GRB2: variants seen among roughly 807,000 people sequenced by gnomAD.
GRB2 encodes growth factor receptor bound protein 2.
GRB2 carries 2 observed loss-of-function variants against 27.4 expected under a neutral mutation model. The observed-to-expected ratio is 0.07, with a 90% CI of 0.03 to 0.23. The LOEUF (loss-of-function observed/expected upper bound fraction) is 0.23. Among genes scored for constraint, GRB2 ranks in the 10% least tolerant of loss-of-function variants. The probability of loss-of-function intolerance (pLI) is 1.00; values close to 1 mark genes in which losing one functional copy is unlikely to be tolerated. For missense variants in GRB2, 102 were observed against 282.4 expected, an observed-to-expected ratio of 0.36 and a Z score of 4.58; for synonymous variants, 94 against 99.6, an observed-to-expected ratio of 0.94 and a Z score of 0.33.
intron 2 of GRB2, among the ~76,000 whole-genome samples, chr17:75,349,221 C>T (rs778413933): frequency 5.9e-5 from 9 of 151,758 alleles, no homozygotes; most frequent in Non-Finnish European, 1.3e-4. Context: ...CTACACATTG[C>T]TCTCTTTTGA....
At chr17:75,398,624 A>G (rs771258061) in intron 1 of GRB2, among the ~76,000 whole-genome samples, 4 of 152,212 alleles carry the variant, frequency 2.6e-5, no homozygotes, top group African/African-American at 9.7e-5. Flanking sequence ...CTAACTGACA[A>G]TGTGGCTTGG....
In GRB2 at chr17:75,320,931, C is replaced by A. The variant is rs1244372439; in HGVS notation, c.469-378G>T. 1.3e-5 allele frequency among the ~76,000 whole-genome samples: 2 copies of A among 152,064 alleles called. No individual in the cohort carries two copies. Among genetic ancestry groups the A allele is most frequent in the South Asian group, 2.1e-4 (1 of 4,826 alleles). On this transcript the variant is annotated intron_variant, in intron 5 of 5. Transcript: ENST00000316804. The surrounding 1 kb of genome is among the most constrained non-coding windows in gnomAD (Gnocchi z 4.3). The stretch of plus-strand genomic sequence containing the variant: ...CTACGACACCCTTAAGGTATTAAAG[C>A]CTAAAGTTCTGGAGCTCGAATAACA...
At chr17:75,392,474 C>T (rs949660611) in intron 2 of GRB2, among the ~76,000 whole-genome samples, 7 of 152,124 alleles carry the variant, frequency 4.6e-5, no homozygotes, top group Non-Finnish European at 7.4e-5. Flanking sequence ...TAAAGACTAT[C>T]AATAAGTCCA....
At chr17:75,321,193 T>C (rs1427073379) in intron 5 of GRB2, among the ~76,000 whole-genome samples, 2 of 103,652 alleles carry the variant, frequency 1.9e-5, no homozygotes, top group African/African-American at 5.8e-5. Context: ...TTTTTTTTTT[T>C]TGAAATGAAG....
chr17:75,358,534 T>C (rs2078749674), intron 2 of GRB2, among the ~76,000 whole-genome samples: 2 of 151,828 alleles, frequency 1.3e-5, no homozygotes, highest in Non-Finnish European at 2.9e-5. Context: ...CGGAGAAACA[T>C]GTTAACACTG....
chr17:75,395,410 G>A (rs891853216), intron 1 of GRB2, among the ~76,000 whole-genome samples: 11 of 152,124 alleles, frequency 7.2e-5, no homozygotes, highest in Non-Finnish European at 1.3e-4. Flanking sequence ...GTTGATCTGC[G>A]AATATTTATA....
chr17:75,350,215 C>T (rs1475928746), intron 2 of GRB2, among the ~76,000 whole-genome samples: 2 of 128,028 alleles, frequency 1.6e-5, no homozygotes, highest in Admixed American at 1.9e-4. Context: ...GGCAATATAG[C>T]AAGATCTCAT....
chr17:75,321,932 C>T, intron 4 of GRB2, 105 bp from the exon 5 acceptor site: 1 of 1,095,892 alleles, frequency 9.1e-7, no homozygotes, highest in East Asian at 2.6e-5. Context: ...GTCCCAGCAG[C>T]ACTCCTCAGG....
intron 2 of GRB2, among the ~76,000 whole-genome samples, chr17:75,362,896 T>C (rs1038244519): frequency 2.0e-5 from 3 of 152,086 alleles, no homozygotes; most frequent in Non-Finnish European, 4.4e-5. Flanking sequence ...AGTTAAATAC[T>C]AAAGGCTTTC....
At chr17:75,376,009 AGCAAGACTCCGTCT>A (rs2078890604) in intron 2 of GRB2, among the ~76,000 whole-genome samples, 2 of 124,172 alleles carry the variant, frequency 1.6e-5, no homozygotes. Flanking sequence ...TGGGCGACAG[AGCAAGACTCCGTCT>A]CAGAAAAAAA....
At chr17:75,377,438 T>C (rs2078901257) in intron 2 of GRB2, among the ~76,000 whole-genome samples, 1 of 151,426 alleles carries the variant, frequency 6.6e-6, no homozygotes, top group African/African-American at 2.4e-5. Context: ...CTGGGCAACA[T>C]GGCGGGATCT....
At chr17:75,321,591 T>C in intron 5 of GRB2, 68 bp downstream of exon 5, 1 of 1,476,610 alleles carries the variant, frequency 6.8e-7, no homozygotes, top group Non-Finnish European at 9.4e-7. Flanking sequence ...TCCCCTTTCC[T>C]ACAGGAATGC....
At chr17:75,369,427 TA>T (rs1323537326) in intron 2 of GRB2, among the ~76,000 whole-genome samples, 4 of 152,120 alleles carry the variant, frequency 2.6e-5, no homozygotes, top group African/African-American at 9.7e-5. Context: ...AGGCAAAATA[TA>T]AGAAGGCATA....
At chr17:75,343,481 C>T (rs888379381) in intron 2 of GRB2, among the ~76,000 whole-genome samples, 1 of 152,092 alleles carries the variant, frequency 6.6e-6, no homozygotes, top group African/African-American at 2.4e-5. Context: ...AGACGACTAA[C>T]CAAATTACAG....
chr17:75,325,795 A>G (rs1489407551), intron 4 of GRB2, 103 bp downstream of exon 4: 5 of 1,197,890 alleles, frequency 4.2e-6, no homozygotes, highest in Non-Finnish European at 4.9e-6. Flanking sequence ...TGTTTAGGCT[A>G]AGCCTCCACC....
chr17:75,332,895 G>A (rs2078550454), intron 2 of GRB2, 98 bp from the exon 3 acceptor site: 4 of 721,636 alleles, frequency 5.5e-6, no homozygotes, highest in South Asian at 3.4e-5. Context: ...GTCTGTGAAC[G>A]GTTTCACTCG....
intron 2 of GRB2, among the ~76,000 whole-genome samples, chr17:75,341,808 G>C (rs1323150014): frequency 6.6e-6 from 1 of 152,008 alleles, no homozygotes; most frequent in Non-Finnish European, 1.5e-5. Flanking sequence ...CAGGAGATGG[G>C]GACCCACCAA....
At chr17:75,397,967 A>T (rs2079039192) in intron 1 of GRB2, among the ~76,000 whole-genome samples, 1 of 151,276 alleles carries the variant, frequency 6.6e-6, no homozygotes, top group Admixed American at 6.6e-5. Flanking sequence ...TCGACCTCCC[A>T]AGTAGCTGGG....
At chr17:75,393,351 A>T in intron 2 of GRB2, 200 bp downstream of exon 2, 1 of 596,464 alleles carries the variant, frequency 1.7e-6, no homozygotes, top group East Asian at 2.8e-5. Context: ...AAAGGCAGTT[A>T]AACACCACAC....
Sources: allele counts gnomAD v4.1 joint callset (sites outside exome capture counted in the v4.1 genomes callset), GRCh38; gene constraint gnomAD v4.1.1; non-coding constraint Gnocchi (gnomAD v3.1); transcripts MANE v1.5; gene names NCBI Gene and HGNC (gene_info 2026-07-23, HGNC 2026-07-21).